Variants in AGFG1 observed in about 807,000 individuals in gnomAD.
AGFG1 encodes the protein ArfGAP with FG repeats 1, also known as arf-GAP domain and FG repeat-containing protein 1.
AGFG1 carries 10 observed loss-of-function variants against 60.6 expected under a neutral mutation model. The observed-to-expected ratio is 0.16, with a 90% CI of 0.10 to 0.28. The LOEUF is 0.28. Among genes scored for constraint, AGFG1 ranks in the 10% least tolerant of loss-of-function variants. The probability of loss-of-function intolerance (pLI) is 1.00; values close to 1 mark genes in which losing one functional copy is unlikely to be tolerated. For missense variants in AGFG1, 537 were observed against 676.5 expected, an observed-to-expected ratio of 0.79 and a Z score of 2.29; for synonymous variants, 247 against 242.9, an observed-to-expected ratio of 1.02 and a Z score of -0.16.
intron 5 of AGFG1, among the ~76,000 whole-genome samples, chr2:227,527,629 T>C (rs1198624131): frequency 6.6e-6 from 1 of 152,252 alleles, no homozygotes; most frequent in East Asian, 1.9e-4. Context: ...TAAGCTGTGA[T>C]GTTTATATCA....
intron 3 of AGFG1, among the ~76,000 whole-genome samples, chr2:227,522,906 C>T (rs182615231): frequency 6.6e-6 from 1 of 152,210 alleles, no homozygotes; most frequent in Non-Finnish European, 1.5e-5. Context: ...GGAATCAAAT[C>T]TGAAAGACCT....
At position 227,483,993 on chromosome 2, in the gene AGFG1, T is replaced by TG. The variant is rs569759707; in HGVS notation, c.168-7553dup. 7.2e-5 allele frequency among the ~76,000 whole-genome samples: 11 copies of TG among 152,286 alleles called. No individual in the cohort carries two copies. The South Asian group carries it at 2.3e-3, about 32-fold the overall frequency. On this transcript the variant is annotated intron_variant, in intron 1 of 12. Transcript: ENST00000310078. ...CAGGTTTGTTACATATATATACACA[T>TG]GCCATGTTGGTGTGCTGCACCCATT...
intron 6 of AGFG1, chr2:227,532,139 A>G: frequency 6.5e-7 from 1 of 1,544,376 alleles, no homozygotes; most frequent in African/African-American, 1.4e-5. Context: ...GCTGTCCAGC[A>G]TTTAGAATGC....
At position 227,541,074 on chromosome 2, in the gene AGFG1, T is replaced by C. The variant is rs552641709; in HGVS notation, c.1378+4081T>C. Among the ~76,000 whole-genome samples the C allele has an allele frequency of 3.9e-5, 6 of 152,124 alleles. No homozygotes were observed. The East Asian group carries it at 1.2e-3, about 29-fold the overall frequency. On this transcript the variant is annotated intron_variant, in intron 10 of 12. Transcript: ENST00000310078. ...TTTTTTTTCTTGTAAATTTAAGTTC[T>C]TTGTAGATTCTGGATATTAGCCCTT... is the stretch of plus-strand genomic sequence containing the variant.
At chr2:227,500,720 A>G (rs1691127900) in intron 2 of AGFG1, among the ~76,000 whole-genome samples, 1 of 152,190 alleles carries the variant, frequency 6.6e-6, no homozygotes, top group Admixed American at 6.5e-5. Context: ...GTAAGCTCAA[A>G]ACATTAGTTC....
At chr2:227,537,251 G>C (rs533244983) in intron 10 of AGFG1, among the ~76,000 whole-genome samples, 26 of 152,288 alleles carry the variant, frequency 1.7e-4, no homozygotes, top group African/African-American at 6.0e-4. Flanking sequence ...GGGAAGCCCA[G>C]ACATGGAGAT....
At chr2:227,551,360 A>G (rs1249197642) in intron 10 of AGFG1, among the ~76,000 whole-genome samples, 1 of 151,994 alleles carries the variant, frequency 6.6e-6, no homozygotes, top group African/African-American at 2.4e-5. Context: ...TAATAGGAAA[A>G]TATCCTTTTA....
intron 7 of AGFG1, 97 bp from the exon 8 acceptor site, chr2:227,534,747 TC>T: frequency 7.8e-7 from 1 of 1,283,426 alleles, no homozygotes; most frequent in Non-Finnish European, 1.1e-6. Flanking sequence ...TAACTCTAAA[TC>T]CATTTTAAGT....
chr2:227,523,741 A>T (rs1246422491), intron 3 of AGFG1, 22 bp from the exon 4 acceptor site: 6 of 1,577,442 alleles, frequency 3.8e-6, no homozygotes, highest in Admixed American at 1.8e-5. Context: ...TTTTTTAGTT[A>T]ACTGTTTTTT....
intron 10 of AGFG1, among the ~76,000 whole-genome samples, chr2:227,538,176 A>G (rs1053571399): frequency 6.6e-6 from 1 of 152,192 alleles, no homozygotes; most frequent in East Asian, 1.9e-4. Flanking sequence ...AGTTTGTAAA[A>G]TGTCTCATGA....
At chr2:227,537,770 A>C (rs1373264158) in intron 10 of AGFG1, among the ~76,000 whole-genome samples, 1 of 152,208 alleles carries the variant, frequency 6.6e-6, no homozygotes, top group Non-Finnish European at 1.5e-5. Context: ...ATATGTCACA[A>C]TAATTTAGAA....
intron 10 of AGFG1, among the ~76,000 whole-genome samples, chr2:227,544,146 CTTTTTTTTT>C (rs71039605): frequency 3.6e-4 from 27 of 75,800 alleles, no homozygotes; most frequent in African/African-American, 1.2e-3. Context: ...CATTCTGTGT[CTTTTTTTTT>C]TTTTTTTTTT....
chr2:227,554,496 C>T lies in AGFG1; in HGVS notation c.*1C>T, dbSNP rs1034853573. ...CTCATCAACCAATCCTTTCTTATAG[C>T]CTTATATAGACAATTTACTGGAACG... On this transcript the variant is annotated 3_prime_UTR_variant, in exon 13 of 13. Coordinates refer to ENST00000310078, the MANE Select transcript of AGFG1 (RefSeq NM_004504.5). The T allele has an allele frequency of 6.2e-7, 1 of 1,612,398 alleles. No homozygotes were observed. Among genetic ancestry groups the T allele is most frequent in the Non-Finnish European group, 8.5e-7 (1 of 1,179,020 alleles).
In AGFG1 at chr2:227,472,526, C is replaced by T. The variant is rs1465710017; in HGVS notation, c.105C>T (p.Arg35=). 2 of 1,582,744 alleles carry T rather than the reference C, an allele frequency of 1.3e-6. No individual in the cohort carries two copies. The highest frequency in any genetic ancestry group is 1.1e-5 in the South Asian group (1 of 89,302). ...GAAAGTGCTTCGACTGCGACCAGCG[C>T]GGCCCCACCTACGTTAACATGACGG... ...HNRKCFDCDQ[R]GPTYVNMTVG... Residue 35 remains arginine (R), a synonymous_variant, in exon 1 of 13, where the codon CGC becomes CGT. Coordinates refer to ENST00000310078, the MANE Select transcript of AGFG1 (RefSeq NM_004504.5).
intron 1 of AGFG1, among the ~76,000 whole-genome samples, chr2:227,484,486 G>T (rs1366368282): frequency 1.3e-5 from 2 of 151,974 alleles, no homozygotes; most frequent in Non-Finnish European, 2.9e-5. Context: ...GCTCATTTAA[G>T]TGTTATTGTT....
chr2:227,500,901 T>C lies in AGFG1; in HGVS notation c.261+9261T>C, dbSNP rs370506611. Among the ~76,000 whole-genome samples the C allele has an allele frequency of 2.0e-4, 30 of 152,260 alleles. No homozygotes were observed. The East Asian group carries it at 2.9e-3, about 15-fold the overall frequency. On this transcript the variant is annotated intron_variant, in intron 2 of 12. Coordinates refer to ENST00000310078, the MANE Select transcript of AGFG1 (RefSeq NM_004504.5). The stretch of plus-strand genomic sequence containing the variant: ...ACTGCCTCCCAGGTTCAAGTGATTC[T>C]CCTGCCTTAGCCTCCTGAGTAGCTG...
At chr2:227,503,452 C>T (rs548134128) in intron 2 of AGFG1, among the ~76,000 whole-genome samples, 7 of 152,194 alleles carry the variant, frequency 4.6e-5, no homozygotes, top group Admixed American at 3.9e-4. Flanking sequence ...GGTTGACCAA[C>T]TAAAGCCTGT....
At position 227,519,950 on chromosome 2, in the gene AGFG1, C is replaced by T; in HGVS notation, c.264C>T (p.Val88=). Residue 88 remains valine, a splice_region_variant and synonymous_variant, in exon 3 of 13, where the codon GTC becomes GTT. Coordinates refer to ENST00000310078, the MANE Select transcript of AGFG1 (RefSeq NM_004504.5). The part of the protein sequence containing the change: ...IEFLQKHGNE[V]CKQIWLGLFD... ...TATTTTTTTAATTCTTTCCAAAGGTCTGTAAACAGATTTGGCTAGGATTAT... is the reference window on the plus strand; with the variant it reads ...TATTTTTTTAATTCTTTCCAAAGGTTTGTAAACAGATTTGGCTAGGATTAT... The T allele has an allele frequency of 6.4e-7, 1 of 1,571,262 alleles. No individual in the cohort carries two copies. Among genetic ancestry groups the T allele is most frequent in the Non-Finnish European group, 8.6e-7 (1 of 1,158,974 alleles).
intron 2 of AGFG1, among the ~76,000 whole-genome samples, chr2:227,519,739 C>T (rs1229942020): frequency 6.6e-6 from 1 of 152,122 alleles, no homozygotes; most frequent in African/African-American, 2.4e-5. Context: ...CTTCATTTCC[C>T]CTTTTTAATG....
Sources: allele counts gnomAD v4.1 joint callset (sites outside exome capture counted in the v4.1 genomes callset), GRCh38; gene constraint gnomAD v4.1.1; transcripts MANE v1.5; gene names NCBI Gene and HGNC (gene_info 2026-07-23, HGNC 2026-07-21).